MIER1: variants seen among roughly 807,000 people sequenced by gnomAD.
MIER1 encodes the protein mesoderm induction early response protein 1.
MIER1 carries 40 observed loss-of-function variants against 75.7 expected under a neutral mutation model. The observed-to-expected ratio is 0.53, with a 90% confidence interval of 0.41 to 0.69. MIER1 has a LOEUF of 0.69. MIER1 is among the 30% of genes least tolerant of loss of function. The pLI is 0.00. For synonymous variants in MIER1, 213 were observed against 223.4 expected, an observed-to-expected ratio of 0.95 and a Z score of 0.42; for missense variants, 574 against 680.2, an observed-to-expected ratio of 0.84 and a Z score of 1.74.
In MIER1 at chr1:66,958,048, G is replaced by T. The variant is rs1660514588; in HGVS notation, c.340-11G>T. ...TGATTCAGAGATTACCTTTTATTTT[G>T]ATTTATTTAGGAAGGCGACATGCCA... On this transcript the variant is annotated splice_polypyrimidine_tract_variant and intron_variant, in intron 4 of 13. Coordinates refer to ENST00000401041, the MANE Select transcript of MIER1 (RefSeq NM_001077700.3). 3 of 1,539,884 alleles carry T rather than the reference G, an allele frequency of 1.9e-6. No individual in the cohort carries two copies. In the South Asian group the frequency reaches 3.8e-5, roughly 19 times the overall value.
chr1:66,978,494 C>T (rs1665213274), intron 12 of MIER1, among the ~76,000 whole-genome samples: 1 of 151,884 alleles, frequency 6.6e-6, no homozygotes, highest in Non-Finnish European at 1.5e-5. Flanking sequence ...TATCTAATTG[C>T]TTAATGTTAA....
At chr1:66,974,381 A>T (rs1664273207) in intron 11 of MIER1, among the ~76,000 whole-genome samples, 1 of 152,068 alleles carries the variant, frequency 6.6e-6, no homozygotes, top group Non-Finnish European at 1.5e-5. Context: ...AAAAGAAAAA[A>T]GTTCGTTGTT....
intron 2 of MIER1, 110 bp downstream of exon 2, chr1:66,926,352 C>A: frequency 1.4e-6 from 1 of 719,724 alleles, no homozygotes; most frequent in Non-Finnish European, 2.3e-6. Flanking sequence ...AACTGATGGG[C>A]CAAAAATTTC....
At chr1:66,929,913 A>G (rs1314185346) in intron 2 of MIER1, among the ~76,000 whole-genome samples, 1 of 152,226 alleles carries the variant, frequency 6.6e-6, no homozygotes, top group African/African-American at 2.4e-5. Flanking sequence ...TTCAAAAACG[A>G]CCTACATGTA....
At chr1:66,957,372 C>G (rs570769373) in intron 4 of MIER1, among the ~76,000 whole-genome samples, 70 of 152,264 alleles carry the variant, frequency 4.6e-4, no homozygotes, top group African/African-American at 1.7e-3. Context: ...AAATCTGGCT[C>G]TACTACTTGT....
intron 8 of MIER1, among the ~76,000 whole-genome samples, chr1:66,966,835 C>G (rs1662511713): frequency 6.6e-6 from 1 of 152,134 alleles, no homozygotes; most frequent in Non-Finnish European, 1.5e-5. Flanking sequence ...CTCTTCAGAT[C>G]TTTTGCCCAT....
chr1:66,963,014 G>C (rs1214616435), intron 7 of MIER1, 74 bp from the exon 8 acceptor site: 2 of 1,021,248 alleles, frequency 2.0e-6, no homozygotes, highest in African/African-American at 3.2e-5. Context: ...AGTTTACTAA[G>C]ATGGTAAGGC....
chr1:66,964,426 G>GAA (rs1209180549), intron 8 of MIER1, among the ~76,000 whole-genome samples: 2 of 141,246 alleles, frequency 1.4e-5, no homozygotes. Flanking sequence ...TTGAGTTCCA[G>GAA]AAAAAATGCT....
chr1:66,969,545 CAAAAAAAAAAAAAAAAAAA>C (rs35924256), intron 8 of MIER1, among the ~76,000 whole-genome samples: 1 of 63,510 alleles, frequency 1.6e-5, no homozygotes, highest in Non-Finnish European at 2.8e-5. Context: ...ACTTCGTCTC[CAAAAAAAAAAAAAAAAAAA>C]AAAAAAAAAA....
Position 66,925,227 on chromosome 1 carries a change from C to G in MIER1, c.67+132C>G, listed in dbSNP as rs1445144081. Reference sequence around the variant, plus strand: ...AGTGTACCGCCCGGAAGACCCTTAACTTCCGGGGAGGGGCTGCCGCAGAAC... The same window carrying G: ...AGTGTACCGCCCGGAAGACCCTTAAGTTCCGGGGAGGGGCTGCCGCAGAAC... On this transcript the variant is annotated intron_variant, in intron 1 of 13. Transcript: ENST00000401041. 4.4e-6 allele frequency: 6 copies of G among 1,365,872 alleles called. 1 individual carries two copies. The East Asian group carries it at 9.1e-5, about 21-fold the overall frequency. 84.6% of individuals were successfully genotyped at this position (1,365,872 alleles called of 1,614,324 possible).
At chr1:66,956,459 C>T (rs904410606) in intron 4 of MIER1, among the ~76,000 whole-genome samples, 2 of 152,168 alleles carry the variant, frequency 1.3e-5, no homozygotes, top group Admixed American at 1.3e-4. Flanking sequence ...TACTACACTT[C>T]TATCTCTTAT....
intron 8 of MIER1, among the ~76,000 whole-genome samples, chr1:66,963,472 C>G (rs577284844): frequency 6.6e-6 from 1 of 151,970 alleles, no homozygotes; most frequent in South Asian, 2.1e-4. Flanking sequence ...AAACTTTAAC[C>G]CTTCTCTAAT....
At chr1:66,970,472 C>G (rs1428184303) in intron 8 of MIER1, among the ~76,000 whole-genome samples, 1 of 152,144 alleles carries the variant, frequency 6.6e-6, no homozygotes, top group African/African-American at 2.4e-5. Context: ...CCTCCTTTCA[C>G]AGATGAGACA....
rs1558110345 is a variant in MIER1 at position 66,976,731 on chromosome 1, A to T, written c.1229+9A>T. The T allele has an allele frequency of 7.6e-6, 12 of 1,569,132 alleles. No homozygotes were observed. The highest frequency in any genetic ancestry group is 1.0e-5 in the Non-Finnish European group (12 of 1,160,728). ...CTTCATCCTGGTGTAACGTGAGTTA[A>T]TTTTTTCCTTAAGAGCTATATATAC... On this transcript the variant is annotated intron_variant, in intron 12 of 13. Transcript: ENST00000401041.
chr1:66,930,551 A>T, intron 2 of MIER1: 1 of 786,968 alleles, frequency 1.3e-6, no homozygotes, highest in Non-Finnish European at 1.9e-6. Context: ...TCTGGGCGGG[A>T]GCTTCGCCTG....
intron 7 of MIER1, 57 bp from the exon 8 acceptor site, chr1:66,963,031 A>G: frequency 8.3e-7 from 1 of 1,211,908 alleles, no homozygotes; most frequent in Non-Finnish European, 1.2e-6. Flanking sequence ...AGGCTAGAAA[A>G]TGGATATAAA....
At position 66,982,309 on chromosome 1, in the gene MIER1, AGTGCACTGTTT is replaced by A. The variant is rs561647777; in HGVS notation, c.1369+392_1369+402del. Among the ~76,000 whole-genome samples the A allele has an allele frequency of 3.5e-3, 538 of 152,272 alleles. 2 individuals carry two copies. The highest frequency in any genetic ancestry group is 0.012 in the African/African-American group (514 of 41,536). On this transcript the variant is annotated intron_variant, in intron 13 of 13. Transcript: ENST00000401041. ...CAAAATACCTTGATGTAAGGTAACA[AGTGCACTGTTT>A]TGAATATTTAAGTTCTCTTTGATAG...
intron 2 of MIER1, among the ~76,000 whole-genome samples, chr1:66,935,386 C>CT (rs1654536431): frequency 6.6e-6 from 1 of 152,206 alleles, no homozygotes; most frequent in Non-Finnish European, 1.5e-5. Context: ...CATTCATACT[C>CT]TGTGTACAGT....
At chr1:66,943,844 T>C (rs1421187117) in intron 3 of MIER1, among the ~76,000 whole-genome samples, 11 of 152,234 alleles carry the variant, frequency 7.2e-5, no homozygotes. Context: ...TGAGGCAGTA[T>C]ACTAAAATAA....
Sources: gnomAD v4.1 joint callset for allele counts (sites outside exome capture counted in the v4.1 genomes callset) on GRCh38, gnomAD v4.1.1 for gene constraint, MANE v1.5 for transcripts, NCBI Gene and HGNC (gene_info 2026-07-23, HGNC 2026-07-21) for gene names.